The following CCDC73 variants were observed in gnomAD, a reference collection of about 807,000 sequenced individuals.
The protein encoded by CCDC73 is coiled-coil domain containing 73, also known as coiled-coil domain-containing protein 73.
CCDC73 carries 95 observed loss-of-function variants against 116.5 expected under a neutral mutation model. That is an observed-to-expected ratio of 0.82 (90% CI 0.69 to 0.97). The LOEUF (loss-of-function observed/expected upper bound fraction) is 0.97. CCDC73 is among the 50% of genes least tolerant of loss of function. CCDC73 has a pLI of 0.00. For missense variants in CCDC73, 1,066 were observed against 1,206.8 expected (o/e 0.88, Z 1.73); for synonymous variants, 398 against 401.3 (o/e 0.99, Z 0.10).
At chr11:32,798,388 G>C (rs1276078134), upstream of CCDC73, among the ~76,000 whole-genome samples, 2 of 152,120 alleles carry the variant, frequency 1.3e-5, no homozygotes, top group African/African-American at 4.8e-5. Flanking sequence ...CAACCTCCTG[G>C]GCCCCAGGGG....
At chr11:32,746,959 T>C (rs990528974) in intron 2 of CCDC73, among the ~76,000 whole-genome samples, 4 of 152,198 alleles carry the variant, frequency 2.6e-5, no homozygotes, top group Admixed American at 2.6e-4. Context: ...GTCCAGTTTT[T>C]TTCCCTTGCT....
the CCDC73 span, among the ~76,000 whole-genome samples, chr11:32,813,653 T>C: frequency 5.3e-5 from 8 of 152,232 alleles, no homozygotes; most frequent in African/African-American, 1.9e-4. Flanking sequence ...CCCAGAATGA[T>C]TTCTTTAATA....
intron 9 of CCDC73, among the ~76,000 whole-genome samples, chr11:32,656,222 C>G (rs1288091833): frequency 2.0e-5 from 3 of 151,984 alleles, no homozygotes; most frequent in South Asian, 2.1e-4. Context: ...GGACTACAGG[C>G]GCCCACCACC....
At chr11:32,725,059 C>T (rs997975586) in intron 2 of CCDC73, among the ~76,000 whole-genome samples, 34 of 151,882 alleles carry the variant, frequency 2.2e-4, no homozygotes, top group African/African-American at 7.7e-4. Flanking sequence ...TATCCCCTTA[C>T]TTTTATTAAT....
chr11:32,711,686 C>A (rs1381707783), intron 3 of CCDC73, among the ~76,000 whole-genome samples: 2 of 151,986 alleles, frequency 1.3e-5, no homozygotes, highest in Non-Finnish European at 2.9e-5. Flanking sequence ...GATGGGTGCA[C>A]CAAAATCTTG....
chr11:32,654,163 T>C, intron 10 of CCDC73, 126 bp from the exon 11 acceptor site: 2 of 840,094 alleles, frequency 2.4e-6, no homozygotes, highest in South Asian at 4.3e-5. Context: ...ACATTTGTTT[T>C]TTTGTTTGTT....
At chr11:32,798,915 T>TA (rs1554971669), upstream of CCDC73, among the ~76,000 whole-genome samples, 1 of 143,184 alleles carries the variant, frequency 7.0e-6, no homozygotes, top group African/African-American at 2.6e-5. Flanking sequence ...TTGTTTGTTT[T>TA]GGGGGGGGGC....
chr11:32,773,287 G>C (rs1377616865), intron 1 of CCDC73, among the ~76,000 whole-genome samples: 15 of 152,034 alleles, frequency 9.9e-5, no homozygotes. Flanking sequence ...GGATTGCAGG[G>C]GAATAGTGAA....
At chr11:32,627,294 G>A (rs1855584643) in intron 14 of CCDC73, among the ~76,000 whole-genome samples, 1 of 152,174 alleles carries the variant, frequency 6.6e-6, no homozygotes, top group South Asian at 2.1e-4. Context: ...CAGTTAGAAT[G>A]GCGATCATTG....
At chr11:32,685,750 T>A (rs1457409169) in intron 6 of CCDC73, among the ~76,000 whole-genome samples, 1 of 138,002 alleles carries the variant, frequency 7.2e-6, no homozygotes, top group Non-Finnish European at 1.5e-5. Context: ...TGAGATGGAG[T>A]CTTGCTCTGT....
rs369798738 is a variant in CCDC73, at chr11:32,685,103, C to T, written c.391-1529G>A. On this transcript the variant is annotated intron_variant, in intron 6 of 17. Transcript: ENST00000335185. ...AAGCAAAAGTACAATAATTACTACA[C>T]ATTTCCTATGAAATAAATTTTTTAG... 1.1e-4 allele frequency among the ~76,000 whole-genome samples: 17 copies of T among 152,044 alleles called. 1 individual carries two copies. The highest frequency in any genetic ancestry group is 7.9e-4 in the Admixed American group (12 of 15,258).
chr11:32,759,944 G>T (rs1850376869), intron 2 of CCDC73, among the ~76,000 whole-genome samples, 165 bp downstream of exon 2: 1 of 151,972 alleles, frequency 6.6e-6, no homozygotes, highest in Non-Finnish European at 1.5e-5. Flanking sequence ...CCCATTCCCT[G>T]ATCATTTACT....
intron 3 of CCDC73, among the ~76,000 whole-genome samples, chr11:32,709,614 G>A (rs1217279878): frequency 2.6e-5 from 4 of 152,126 alleles, no homozygotes; most frequent in Admixed American, 1.3e-4. Flanking sequence ...GATTTGGATC[G>A]CTAGTATTTT....
chr11:32,808,246 A>G, the CCDC73 span, among the ~76,000 whole-genome samples: 1 of 152,200 alleles, frequency 6.6e-6, no homozygotes, highest in African/African-American at 2.4e-5. Context: ...GGAAAATAAC[A>G]TACGGAAAAG....
upstream of CCDC73, among the ~76,000 whole-genome samples, chr11:32,795,985 C>T (rs1459066807): frequency 6.6e-6 from 1 of 152,068 alleles, no homozygotes; most frequent in Non-Finnish European, 1.5e-5. Flanking sequence ...CCACCGCAGC[C>T]GGCCCCCCGC....
chr11:32,787,991 G>C (rs1423686192), intron 1 of CCDC73, among the ~76,000 whole-genome samples: 1 of 152,106 alleles, frequency 6.6e-6, no homozygotes, highest in East Asian at 1.9e-4. Context: ...GTGCCAAGCT[G>C]GAACTGATTA....
At chr11:32,694,971 G>A (rs1856295516) in intron 6 of CCDC73, among the ~76,000 whole-genome samples, 2 of 152,164 alleles carry the variant, frequency 1.3e-5, no homozygotes, top group Admixed American at 6.5e-5. Context: ...AACTGTTGCC[G>A]TAAGTGACTT....
chr11:32,727,779 C>T (rs1296450078), intron 2 of CCDC73, among the ~76,000 whole-genome samples: 1 of 151,982 alleles, frequency 6.6e-6, no homozygotes, highest in Non-Finnish European at 1.5e-5. Flanking sequence ...ACCATCTTGG[C>T]CAGGCTGGTC....
intron 12 of CCDC73, 67 bp downstream of exon 12, chr11:32,653,056 A>G: frequency 1.1e-6 from 1 of 902,938 alleles, no homozygotes; most frequent in Non-Finnish European, 1.8e-6. Flanking sequence ...ACTAAACAGG[A>G]AGTTAATTAG....
Sources: gnomAD v4.1 joint callset for allele counts (sites outside exome capture counted in the v4.1 genomes callset) on GRCh38, gnomAD v4.1.1 for gene constraint, MANE v1.5 for transcripts, NCBI Gene and HGNC (gene_info 2026-07-23, HGNC 2026-07-21) for gene names.